CROCC2: variants seen among roughly 807,000 people sequenced by gnomAD.
The protein encoded by CROCC2 is ciliary rootlet coiled-coil, rootletin family member 2, also known as ciliary rootlet coiled-coil protein 2.
In CROCC2, 163 loss-of-function variants were observed where a neutral mutation model predicts 177.6. That is an observed-to-expected ratio of 0.92 (90% confidence interval 0.81 to 1.05). The LOEUF (loss-of-function observed/expected upper bound fraction) is 1.05. Ranked by LOEUF, CROCC2 falls within the 50% of genes least tolerant of loss-of-function variation. The pLI is 0.00. For missense variants in CROCC2, 1,929 were observed against 1,797.8 expected, an observed-to-expected ratio of 1.07 and a Z score of -1.32; for synonymous variants, 904 against 787.3, an observed-to-expected ratio of 1.15 and a Z score of -2.48.
intron 14 of CROCC2, 48 bp from the exon 15 acceptor site, chr2:240,946,012 C>T (rs1056686722): frequency 7.1e-7 from 1 of 1,403,462 alleles, no homozygotes; most frequent in Non-Finnish European, 9.5e-7. Context: ...GCTCACCCAC[C>T]CACTTACTCT....
chr2:240,987,397 T>C (rs2059847718), intron 28 of CROCC2, among the ~76,000 whole-genome samples: 1 of 152,246 alleles, frequency 6.6e-6, no homozygotes, highest in Non-Finnish European at 1.5e-5. Flanking sequence ...TTCACTTTTC[T>C]CTTCTCTTTA....
intron 7 of CROCC2, among the ~76,000 whole-genome samples, chr2:240,932,017 G>A (rs1304310892): frequency 1.3e-5 from 2 of 152,272 alleles, no homozygotes; most frequent in Non-Finnish European, 2.9e-5. Flanking sequence ...AAAGGCCTGT[G>A]GTGGGCACTC....
intron 19 of CROCC2, among the ~76,000 whole-genome samples, chr2:240,956,696 A>G (rs2059592601): frequency 6.6e-6 from 1 of 152,092 alleles, no homozygotes; most frequent in Non-Finnish European, 1.5e-5. Flanking sequence ...AGCGCTCTGG[A>G]GAGGAGGGCT....
At chr2:240,907,156 A>G (rs4417704) in intron 1 of CROCC2, among the ~76,000 whole-genome samples, 120,847 of 152,180 alleles carry the variant, frequency 0.79, 48,568 homozygotes, top group East Asian at 0.94. Flanking sequence ...CTCTCGGGGG[A>G]CAGTGTTTCC....
At position 240,965,526 on chromosome 2, in the gene CROCC2, GGCTGCCT is replaced by G; in HGVS notation, c.3603+10_3603+16del. 1.3e-6 allele frequency: 2 copies of G among 1,550,218 alleles called. No homozygotes were observed. The highest frequency in any genetic ancestry group is 1.7e-6 in the Non-Finnish European group (2 of 1,146,902). On this transcript the variant is annotated intron_variant, in intron 23 of 31. Coordinates refer to ENST00000690015, the MANE Select transcript of CROCC2 (RefSeq NM_001351305.2). ...GAGGGTGCCCGGAAGGAGGTGGGAGGGCTGCCTGTGGTCAGAAGGGAAGGAGCTGGGC... is the reference window on the plus strand; with the variant it reads ...GAGGGTGCCCGGAAGGAGGTGGGAGGGTGGTCAGAAGGGAAGGAGCTGGGC...
At chr2:240,956,791 C>T (rs1425511497) in intron 19 of CROCC2, among the ~76,000 whole-genome samples, 3 of 152,222 alleles carry the variant, frequency 2.0e-5, no homozygotes, top group African/African-American at 7.2e-5. Flanking sequence ...GCTTGCAGAA[C>T]GCCAAGGCTT....
At chr2:240,970,922 G>A (rs1574789074) in intron 27 of CROCC2, among the ~76,000 whole-genome samples, 1 of 152,200 alleles carries the variant, frequency 6.6e-6, no homozygotes, top group African/African-American at 2.4e-5. Flanking sequence ...GGGGTAGGCT[G>A]GGCCACCCGA....
rs1303763758 is a variant in CROCC2, at chr2:240,917,121, A to C, written c.79-1605A>C. ...CCTCCCAAGACCTCCCAGGGGACTG[A>C]GAGACAGACCCTGGTGCACGGGCTG... On this transcript the variant is annotated intron_variant, in intron 1 of 31. Coordinates refer to ENST00000690015, the MANE Select transcript of CROCC2 (RefSeq NM_001351305.2). The surrounding 1 kb of genome is among the most constrained non-coding windows in gnomAD (Gnocchi z 4.9). Among the ~76,000 whole-genome samples the C allele has an allele frequency of 6.6e-6, 1 of 152,104 alleles. No individual in the cohort carries two copies. The highest frequency in any genetic ancestry group is 1.5e-5 in the Non-Finnish European group (1 of 68,000).
At position 240,929,350 on chromosome 2, in the gene CROCC2, G is replaced by A. The variant is rs546562044; in HGVS notation, c.646-816G>A. Among the ~76,000 whole-genome samples, 5 of 152,262 alleles carry A rather than the reference G, an allele frequency of 3.3e-5. No individual in the cohort carries two copies. In the South Asian group the frequency reaches 1.0e-3, roughly 32 times the overall value. ...GGGCTGTCACAGGCAGGCAGAGGTG[G>A]TAGAAACACAGTAGCACCCTGAGTT... On this transcript the variant is annotated intron_variant, in intron 5 of 31. Coordinates refer to ENST00000690015, the MANE Select transcript of CROCC2 (RefSeq NM_001351305.2).
intron 7 of CROCC2, 47 bp downstream of exon 7, chr2:240,931,175 TC>T (rs1340427036): frequency 4.3e-5 from 29 of 668,010 alleles, no homozygotes; most frequent in Non-Finnish European, 7.5e-5. Flanking sequence ...GCCCGGGGGG[TC>T]GGGGCCCATC....
At chr2:240,910,456 TG>T (rs1372637788) in intron 1 of CROCC2, among the ~76,000 whole-genome samples, 12 of 152,344 alleles carry the variant, frequency 7.9e-5, no homozygotes, top group African/African-American at 2.6e-4. Context: ...TTGTTGAAAT[TG>T]GCAAAAGTTG....
chr2:240,916,916 T>C (rs896582177), intron 1 of CROCC2, among the ~76,000 whole-genome samples: 1 of 152,134 alleles, frequency 6.6e-6, no homozygotes, highest in Non-Finnish European at 1.5e-5. Context: ...TAGAACAGAA[T>C]GGCTGAGCCC....
chr2:240,946,119 G>T lies in CROCC2; in HGVS notation c.2229G>T (p.Glu743Asp). The change falls in exon 15 of 32, where the codon GAG becomes GAT. Residue 743 changes from glutamate (E) to aspartate (D), a missense_variant. Physicochemically the swap from Glu to Asp is conservative, Grantham distance 45 (BLOSUM62 2). Coordinates refer to ENST00000690015, the MANE Select transcript of CROCC2 (RefSeq NM_001351305.2). ...EQLAQSLQDQEAQMGTLQQAL... is the reference protein window; with the variant it reads ...EQLAQSLQDQDAQMGTLQQAL... ...TGGCTCAGAGCCTGCAGGACCAGGA[G>T]GCCCAGATGGGCACTCTGCAGCAAG... is the stretch of plus-strand genomic sequence containing the variant. 6.5e-7 allele frequency: 1 copy of T among 1,542,070 alleles called. No individual in the cohort carries two copies. Among genetic ancestry groups the T allele is most frequent in the Non-Finnish European group, 8.8e-7 (1 of 1,140,110 alleles).
chr2:240,919,894 G>GC, intron 2 of CROCC2, 89 bp from the exon 3 acceptor site: 1 of 557,494 alleles, frequency 1.8e-6, no homozygotes. Context: ...CTGGTGGCCA[G>GC]CCCAGGGTCC....
intron 14 of CROCC2, among the ~76,000 whole-genome samples, chr2:240,943,708 G>A (rs1027421703): frequency 2.0e-5 from 3 of 152,038 alleles, no homozygotes; most frequent in Admixed American, 6.6e-5. Flanking sequence ...TCGAACTCCC[G>A]AGCTCAGGTG....
chr2:240,915,679 G>A (rs1046991680), intron 1 of CROCC2, among the ~76,000 whole-genome samples: 2 of 152,150 alleles, frequency 1.3e-5, no homozygotes, highest in Non-Finnish European at 2.9e-5. Context: ...ACAACCAAAT[G>A]GGGTGGCGCA....
Position 240,963,596 on chromosome 2 carries a change from G to T in CROCC2, c.3128G>T (p.Gly1043Val). The T allele has an allele frequency of 6.5e-7, 1 of 1,547,284 alleles. No homozygotes were observed. Among genetic ancestry groups the T allele is most frequent in the Non-Finnish European group, 8.7e-7 (1 of 1,145,852 alleles). Residue 1043 changes from glycine to valine, a missense_variant, in exon 21 of 32, where the codon GGA becomes GTA. Physicochemically the swap from Gly to Val is moderately radical, Grantham distance 109. Transcript: ENST00000690015. ...GCACAGCTGACCGTGGCCCAGGAGGGACTGGCCGCACTGCGCCAGGAGCTG... is the reference window on the plus strand; with the variant it reads ...GCACAGCTGACCGTGGCCCAGGAGGTACTGGCCGCACTGCGCCAGGAGCTG... Reference protein sequence around the residue: ...LRAQLTVAQEGLAALRQELQG... With the variant: ...LRAQLTVAQEVLAALRQELQG...
Position 240,958,181 on chromosome 2 carries a change from A to G in CROCC2, c.2944-1120A>G. ...GGAGCACCAGGCGCCAGATGACAGG[A>G]CAGCGTGCGCCCCTAGGCTGAGTCA... is the stretch of plus-strand genomic sequence containing the variant. On this transcript the variant is annotated intron_variant, in intron 19 of 31. Transcript: ENST00000690015. The surrounding 1 kb of genome is among the most constrained non-coding windows in gnomAD (Gnocchi z 6.7). The G allele has an allele frequency of 1.0e-6, 1 of 985,370 alleles. No individual in the cohort carries two copies. The highest frequency in any genetic ancestry group is 1.2e-6 in the Non-Finnish European group (1 of 829,886). 61.0% of individuals were successfully genotyped at this position (985,370 alleles called of 1,614,324 possible).
intron 1 of CROCC2, among the ~76,000 whole-genome samples, chr2:240,910,813 T>A (rs2059282399): frequency 6.6e-6 from 1 of 152,222 alleles, no homozygotes; most frequent in Admixed American, 6.5e-5. Context: ...CTTGACTCAT[T>A]GATTGTTCAG....
Sources: allele counts gnomAD v4.1 joint callset (sites outside exome capture counted in the v4.1 genomes callset), GRCh38; gene constraint gnomAD v4.1.1; non-coding constraint Gnocchi (gnomAD v3.1); transcripts MANE v1.5; gene names NCBI Gene and HGNC (gene_info 2026-07-23, HGNC 2026-07-21).